Variants in ADK observed in about 807,000 individuals in gnomAD.
ADK encodes the protein adenosine kinase.
In ADK, 24 loss-of-function variants were observed where a neutral mutation model predicts 44.7. The observed-to-expected ratio is 0.54, with a 90% CI of 0.39 to 0.76. ADK has a LOEUF of 0.76. Among genes scored for constraint, ADK ranks in the 30% least tolerant of loss-of-function variants. The pLI, the probability that ADK is intolerant of heterozygous loss-of-function variation, is 0.00. For missense variants in ADK, 321 were observed against 425.1 expected (o/e 0.76, Z 2.15); for synonymous variants, 128 against 142.6 (o/e 0.90, Z 0.73).
At chr10:74,275,132 A>G (rs1404170580) in intron 3 of ADK, among the ~76,000 whole-genome samples, 1 of 152,124 alleles carries the variant, frequency 6.6e-6, no homozygotes, top group Non-Finnish European at 1.5e-5. Context: ...TGGGAAGAAT[A>G]GATGAAGTCT....
chr10:74,161,947 C>T (rs1448082158), intron 1 of ADK, among the ~76,000 whole-genome samples: 1 of 152,036 alleles, frequency 6.6e-6, no homozygotes, highest in African/African-American at 2.4e-5. Context: ...TCAAGCAGTC[C>T]TCCTGCCTCG....
chr10:74,447,998 A>C (rs1419672869), intron 6 of ADK, among the ~76,000 whole-genome samples: 3 of 152,020 alleles, frequency 2.0e-5, no homozygotes, highest in Non-Finnish European at 4.4e-5. Context: ...ATGTGGTGAA[A>C]CCGCATCTCT....
chr10:74,481,248 A>G (rs1847062110), intron 6 of ADK, among the ~76,000 whole-genome samples: 1 of 152,134 alleles, frequency 6.6e-6, no homozygotes, highest in Non-Finnish European at 1.5e-5. Flanking sequence ...GATTATTGCC[A>G]TTATCCTGAA....
rs1854950221 is a variant in ADK, at chr10:74,666,133, A to G, written c.878-4050A>G. 2.0e-5 allele frequency among the ~76,000 whole-genome samples: 3 copies of G among 152,228 alleles called. No homozygotes were observed. The South Asian group carries it at 6.2e-4, about 31-fold the overall frequency. On this transcript the variant is annotated intron_variant, in intron 9 of 10. Transcript: ENST00000539909. ...TTGTAGAAACTTAACCATCTCTAAT[A>G]TAATTGACTTTCATTATTGATGCAT...
chr10:74,522,687 G>C (rs1848884919), intron 6 of ADK, among the ~76,000 whole-genome samples: 1 of 151,416 alleles, frequency 6.6e-6, no homozygotes. Flanking sequence ...GGAAATCGTT[G>C]GTCCCTCAGT....
chr10:74,570,835 G>A (rs988311298), intron 7 of ADK, among the ~76,000 whole-genome samples: 2 of 152,146 alleles, frequency 1.3e-5, no homozygotes, highest in African/African-American at 4.8e-5. Flanking sequence ...TTGAATAGGA[G>A]TGGTGAGAGA....
intron 4 of ADK, among the ~76,000 whole-genome samples, chr10:74,322,649 T>A (rs924009373): frequency 6.6e-6 from 1 of 152,140 alleles, no homozygotes; most frequent in Non-Finnish European, 1.5e-5. Flanking sequence ...ATAACTTAGA[T>A]CAGATTCTTT....
chr10:74,517,881 C>T (rs550753048), intron 6 of ADK, among the ~76,000 whole-genome samples: 1 of 152,152 alleles, frequency 6.6e-6, no homozygotes, highest in African/African-American at 2.4e-5. Flanking sequence ...TTTAGTAATT[C>T]TGTTGCTGTC....
intron 7 of ADK, among the ~76,000 whole-genome samples, chr10:74,547,542 T>A: frequency 6.8e-6 from 1 of 147,542 alleles, no homozygotes; most frequent in East Asian, 2.0e-4. Flanking sequence ...AGTGCAGTGG[T>A]GCAATCTCGG....
chr10:74,157,761 C>T (rs546325241), intron 1 of ADK, among the ~76,000 whole-genome samples: 7 of 151,422 alleles, frequency 4.6e-5, no homozygotes, highest in Non-Finnish European at 8.8e-5. Flanking sequence ...ATGTGGTGGT[C>T]CATGCCTATA....
chr10:74,334,969 G>A (rs1184527818), intron 4 of ADK, among the ~76,000 whole-genome samples: 1 of 152,112 alleles, frequency 6.6e-6, no homozygotes, highest in Non-Finnish European at 1.5e-5. Context: ...GAAAAGAGGG[G>A]AAGACACTTA....
At chr10:74,208,110 G>A (rs1049977311) in intron 2 of ADK, among the ~76,000 whole-genome samples, 1 of 152,268 alleles carries the variant, frequency 6.6e-6, no homozygotes, top group East Asian at 1.9e-4. Context: ...CCTGGAGCAG[G>A]TGCTGGGATC....
At chr10:74,695,777 C>T (rs1467698514) in intron 10 of ADK, among the ~76,000 whole-genome samples, 1 of 151,808 alleles carries the variant, frequency 6.6e-6, no homozygotes, top group Non-Finnish European at 1.5e-5. Context: ...GTAGCTGGGA[C>T]TACAGTCATG....
chr10:74,412,931 A>ACCTGTAAT (rs1844237073), intron 6 of ADK, among the ~76,000 whole-genome samples: 1 of 152,026 alleles, frequency 6.6e-6, no homozygotes, highest in Non-Finnish European at 1.5e-5. Flanking sequence ...GGTGGTGCAC[A>ACCTGTAAT]CCTGTAATCC....
intron 7 of ADK, among the ~76,000 whole-genome samples, chr10:74,581,197 G>A (rs1851363034): frequency 6.6e-6 from 1 of 152,096 alleles, no homozygotes; most frequent in Non-Finnish European, 1.5e-5. Context: ...AATATATTAT[G>A]TATTTCAAGA....
chr10:74,200,437 T>G (rs1201029075), intron 1 of ADK, among the ~76,000 whole-genome samples: 1 of 150,426 alleles, frequency 6.6e-6, no homozygotes, highest in Non-Finnish European at 1.5e-5. Context: ...TGAGCTGAGA[T>G]TGCACCATTG....
At chr10:74,292,104 T>C (rs1267793045) in intron 3 of ADK, among the ~76,000 whole-genome samples, 1 of 152,212 alleles carries the variant, frequency 6.6e-6, no homozygotes, top group Non-Finnish European at 1.5e-5. Context: ...TCTCCCTCTC[T>C]ACTTACCTAC....
At chr10:74,291,937 A>G (rs183468453) in intron 3 of ADK, among the ~76,000 whole-genome samples, 1 of 152,264 alleles carries the variant, frequency 6.6e-6, no homozygotes, top group African/African-American at 2.4e-5. Context: ...TAAAACAGGA[A>G]ATTTTAAAGT....
At chr10:74,361,568 T>C (rs1434396405) in intron 4 of ADK, among the ~76,000 whole-genome samples, 3 of 152,252 alleles carry the variant, frequency 2.0e-5, no homozygotes, top group African/African-American at 7.2e-5. Flanking sequence ...TTCACATTTT[T>C]ATATTGCCTA....
Sources: gnomAD v4.1 joint callset for allele counts (sites outside exome capture counted in the v4.1 genomes callset) on GRCh38, gnomAD v4.1.1 for gene constraint, MANE v1.5 for transcripts, NCBI Gene and HGNC (gene_info 2026-07-23, HGNC 2026-07-21) for gene names.